Variants in PACS1 observed in about 807,000 individuals in gnomAD.
PACS1 encodes phosphofurin acidic cluster sorting protein 1.
In PACS1, 24 loss-of-function variants were observed where a neutral mutation model predicts 115.0. The observed-to-expected ratio is 0.21, with a 90% CI of 0.15 to 0.29. PACS1 has a LOEUF of 0.29. Among genes scored for constraint, PACS1 ranks in the 10% least tolerant of loss-of-function variants. The pLI is 1.00. For missense variants in PACS1, 838 were observed against 1,251.2 expected, an observed-to-expected ratio of 0.67 and a Z score of 4.98; for synonymous variants, 453 against 504.5, an observed-to-expected ratio of 0.90 and a Z score of 1.37.
chr11:66,232,956 C>T lies in PACS1; in HGVS notation c.1732-4C>T, dbSNP rs776956067. The T allele has an allele frequency of 3.7e-6, 6 of 1,608,656 alleles. No homozygotes were observed. Among genetic ancestry groups the T allele is most frequent in the African/African-American group, 2.7e-5 (2 of 74,840 alleles). ...GTCCCTGCTCTCCTCCCTCCCTATC[C>T]CAGTATGTGGCTGAGCTGCTCCAGG... On this transcript the variant is annotated splice_polypyrimidine_tract_variant and splice_region_variant and intron_variant, in intron 14 of 23. Coordinates refer to ENST00000320580, the MANE Select transcript of PACS1 (RefSeq NM_018026.4).
chr11:66,134,845 C>T (rs911439442), intron 1 of PACS1, among the ~76,000 whole-genome samples: 1 of 152,128 alleles, frequency 6.6e-6, no homozygotes, highest in African/African-American at 2.4e-5. Context: ...ATAATTATGC[C>T]GGAGATAATC....
intron 1 of PACS1, among the ~76,000 whole-genome samples, chr11:66,171,704 C>G (rs1356383357): frequency 1.3e-5 from 2 of 150,028 alleles, no homozygotes; most frequent in East Asian, 1.9e-4. Context: ...CTCAGCCTCC[C>G]GAGTAGCTGG....
At chr11:66,195,920 A>C (rs1438440388) in intron 2 of PACS1, among the ~76,000 whole-genome samples, 1 of 152,216 alleles carries the variant, frequency 6.6e-6, no homozygotes, top group Non-Finnish European at 1.5e-5. Context: ...TTTTCATGAT[A>C]ATACTGTGGC....
chr11:66,193,516 C>A lies in PACS1; in HGVS notation c.387C>A (p.Val129=). Residue 129 remains valine, a synonymous_variant, in exon 2 of 24, where the codon GTC becomes GTA. Transcript: ENST00000320580. ...TCAGCTTGACCCTGAAGAAACTCGT[C>A]ATGCTAAAAGAAATGGACAAAGATC... is the stretch of plus-strand genomic sequence containing the variant. ...RLFSLTLKKL[V]MLKEMDKDLN... 1 of 1,613,652 alleles carries A rather than the reference C, an allele frequency of 6.2e-7. No homozygotes were observed. Among genetic ancestry groups the A allele is most frequent in the South Asian group, 1.1e-5 (1 of 91,040 alleles).
intron 1 of PACS1, among the ~76,000 whole-genome samples, chr11:66,077,784 C>A (rs1268898060): frequency 1.4e-5 from 2 of 142,094 alleles, no homozygotes; most frequent in African/African-American, 5.2e-5. Context: ...CTCACGGAAA[C>A]CTCCGCCTCC....
At chr11:66,208,230 C>T (rs745724890) in intron 2 of PACS1, among the ~76,000 whole-genome samples, 1 of 152,152 alleles carries the variant, frequency 6.6e-6, no homozygotes, top group East Asian at 1.9e-4. Flanking sequence ...GGGTCAGCAC[C>T]GCGGCATAGT....
At chr11:66,136,247 C>T (rs972551561) in intron 1 of PACS1, among the ~76,000 whole-genome samples, 9 of 148,796 alleles carry the variant, frequency 6.0e-5, no homozygotes. Context: ...TGAAACAGGA[C>T]TGCCCAATCC....
intron 1 of PACS1, among the ~76,000 whole-genome samples, chr11:66,114,310 C>T (rs559384481): frequency 1.3e-4 from 19 of 151,180 alleles, no homozygotes; most frequent in Non-Finnish European, 2.1e-4. Context: ...CACAGCTACT[C>T]GGGAGGCTGA....
chr11:66,200,690 T>C (rs997254567), intron 2 of PACS1, among the ~76,000 whole-genome samples: 1 of 152,112 alleles, frequency 6.6e-6, no homozygotes, highest in African/African-American at 2.4e-5. Flanking sequence ...TTAGACCCCA[T>C]TACAACAATA....
intron 1 of PACS1, chr11:66,084,362 CAG>C (rs1427853029): frequency 6.6e-6 from 1 of 152,246 alleles, no homozygotes; most frequent in African/African-American, 2.4e-5. Context: ...TGGATAAAGT[CAG>C]AGAGGTAAAA....
chr11:66,235,231 C>G lies in PACS1; in HGVS notation c.2105-70C>G. Reference sequence around the variant, plus strand: ...TGACGGGTCTCAGGAAGGGATCCCTCTCCGAGAGGGTCTGCAGGTTTGCCA... The same window carrying G: ...TGACGGGTCTCAGGAAGGGATCCCTGTCCGAGAGGGTCTGCAGGTTTGCCA... On this transcript the variant is annotated intron_variant, in intron 17 of 23. Coordinates refer to ENST00000320580, the MANE Select transcript of PACS1 (RefSeq NM_018026.4). This position sits in a 1 kb window ranked among gnomAD's most constrained non-coding sequence, Gnocchi z 5.6. 8.7e-7 allele frequency: 1 copy of G among 1,144,282 alleles called. No homozygotes were observed. The highest frequency in any genetic ancestry group is 1.3e-6 in the Non-Finnish European group (1 of 756,434). 70.9% of individuals were successfully genotyped at this position (1,144,282 alleles called of 1,614,324 possible).
At chr11:66,111,696 C>T (rs560104199) in intron 1 of PACS1, among the ~76,000 whole-genome samples, 1 of 152,310 alleles carries the variant, frequency 6.6e-6, no homozygotes, top group South Asian at 2.1e-4. Context: ...TCTGCTCAGG[C>T]TGGAGTGCAG....
At chr11:66,148,670 A>C (rs2134604895) in intron 1 of PACS1, among the ~76,000 whole-genome samples, 1 of 152,320 alleles carries the variant, frequency 6.6e-6, no homozygotes. Context: ...TCACGCCTGT[A>C]ATCTCAGCAC....
intron 10 of PACS1, among the ~76,000 whole-genome samples, chr11:66,225,052 C>G (rs1855444609): frequency 6.6e-6 from 1 of 152,148 alleles, no homozygotes; most frequent in Admixed American, 6.5e-5. Context: ...AACAATGAGC[C>G]CTGACAGTGC....
intron 1 of PACS1, among the ~76,000 whole-genome samples, chr11:66,175,582 TG>T (rs1329299934): frequency 6.6e-6 from 1 of 152,240 alleles, no homozygotes; most frequent in Non-Finnish European, 1.5e-5. Flanking sequence ...TGCTACGTTT[TG>T]TGTAAGTTGT....
intron 1 of PACS1, among the ~76,000 whole-genome samples, chr11:66,073,781 T>G (rs888126456): frequency 6.6e-6 from 1 of 151,992 alleles, no homozygotes; most frequent in Non-Finnish European, 1.5e-5. Flanking sequence ...TTAGATGGAG[T>G]CTTGCTCTGT....
intron 1 of PACS1, among the ~76,000 whole-genome samples, chr11:66,156,452 C>T (rs1449194357): frequency 6.6e-5 from 10 of 151,398 alleles, no homozygotes; most frequent in Non-Finnish European, 1.5e-4. Flanking sequence ...ACCATGTTGG[C>T]CAGGCTGGTC....
At chr11:66,227,389 T>C in intron 10 of PACS1, 115 bp from the exon 11 acceptor site, 1 of 653,236 alleles carries the variant, frequency 1.5e-6, no homozygotes, top group African/African-American at 1.9e-5. Context: ...GCCCTGAAGA[T>C]TTTATGAGGT....
chr11:66,242,198 C>T (rs1227394952), intron 22 of PACS1, among the ~76,000 whole-genome samples: 2 of 152,180 alleles, frequency 1.3e-5, no homozygotes, highest in Admixed American at 1.3e-4. Context: ...GCAGGAACCC[C>T]CATGGCTGGG....
Sources: allele counts gnomAD v4.1 joint callset (sites outside exome capture counted in the v4.1 genomes callset), GRCh38; gene constraint gnomAD v4.1.1; non-coding constraint Gnocchi (gnomAD v3.1); transcripts MANE v1.5; gene names NCBI Gene and HGNC (gene_info 2026-07-23, HGNC 2026-07-21).